NUP98: variants seen among roughly 807,000 people sequenced by gnomAD.
NUP98 encodes nucleoporin 98 and 96 precursor.
NUP98 carries 26 observed loss-of-function variants against 191.9 expected under a neutral mutation model. That is an observed-to-expected ratio of 0.14 (90% CI 0.10 to 0.19). The LOEUF (loss-of-function observed/expected upper bound fraction) is 0.19. NUP98 is among the 10% of genes least tolerant of loss of function. The pLI, the probability that NUP98 is intolerant of heterozygous loss-of-function variation, is 1.00. For synonymous variants in NUP98, 808 were observed against 778.4 expected (o/e 1.04, Z -0.63); for missense variants, 1,941 against 2,178.8 (o/e 0.89, Z 2.17).
chr11:3,750,619 A>C lies in NUP98; in HGVS notation c.1267+2697T>G, dbSNP rs545196921. On this transcript the variant is annotated intron_variant, in intron 11 of 32. Coordinates refer to ENST00000324932, the MANE Select transcript of NUP98 (RefSeq NM_016320.5). The stretch of plus-strand genomic sequence containing the variant: ...AAAAGGATACTAACCTTAACATTTT[A>C]AATGTTTTTTTTTTGTTTTTTGTTT... Among the ~76,000 whole-genome samples, 173 of 151,448 alleles carry C rather than the reference A, an allele frequency of 1.1e-3. 1 individual carries two copies. Among genetic ancestry groups the C allele is most frequent in the African/African-American group, 3.8e-3 (156 of 41,270 alleles).
In NUP98 at chr11:3,676,188, G is replaced by T; in HGVS notation, c.5374C>A (p.Leu1792Met). The T allele has an allele frequency of 6.2e-7, 1 of 1,614,164 alleles. No individual in the cohort carries two copies. The highest frequency in any genetic ancestry group is 8.5e-7 in the Non-Finnish European group (1 of 1,180,038). Residue 1792 changes from leucine (L) to methionine (M), a missense_variant, in exon 33 of 33, where the codon CTG (leucine) becomes ATG (methionine). Around this residue, in one of 6 missense-constraint regions of NUP98, gnomAD observed 1,030 missense variants for 1,115.8 expected, o/e 0.92. Transcript: ENST00000324932. ...AGGCTCCCAACAGCCAGTTCTCGCA[G>T]ATAGGACTGGGTAAGGCTGCGCAGT... ...DELRSLTQSY[L>M]RELAVGSL
chr11:3,769,335 T>C (rs1477524276), intron 7 of NUP98, among the ~76,000 whole-genome samples: 2 of 151,766 alleles, frequency 1.3e-5, no homozygotes, highest in African/African-American at 4.8e-5. Flanking sequence ...CCGAGGTGGG[T>C]ATATGGCTTG....
intron 28 of NUP98, among the ~76,000 whole-genome samples, chr11:3,688,121 T>G (rs11029035): frequency 1.3e-5 from 2 of 151,522 alleles, no homozygotes; most frequent in Admixed American, 6.6e-5. Flanking sequence ...AACAGTAAAT[T>G]TGGCCGGGCA....
chr11:3,743,372 C>T (rs968699225), intron 12 of NUP98, among the ~76,000 whole-genome samples: 8 of 148,556 alleles, frequency 5.4e-5, no homozygotes, highest in Middle Eastern at 3.4e-3. Flanking sequence ...TTCGGCCTGG[C>T]GTGGTGGCTC....
intron 23 of NUP98, among the ~76,000 whole-genome samples, chr11:3,701,537 C>T (rs1476478226): frequency 4.0e-5 from 6 of 151,622 alleles, no homozygotes; most frequent in Admixed American, 1.3e-4. Context: ...GTGTGAGCCA[C>T]CGTACCCGGC....
intron 11 of NUP98, among the ~76,000 whole-genome samples, chr11:3,752,459 G>A (rs1443439913): frequency 6.6e-6 from 1 of 151,938 alleles, no homozygotes; most frequent in Non-Finnish European, 1.5e-5. Flanking sequence ...AGAGATTGCA[G>A]TGAGCTGAGA....
chr11:3,720,303 T>C (rs891633091), intron 17 of NUP98, among the ~76,000 whole-genome samples: 1 of 152,310 alleles, frequency 6.6e-6, no homozygotes, highest in Admixed American at 6.5e-5. Context: ...TATTCAATTT[T>C]CTCAGAAGTT....
intron 18 of NUP98, among the ~76,000 whole-genome samples, chr11:3,717,245 G>C (rs556525135): frequency 4.6e-5 from 7 of 152,066 alleles, no homozygotes. Context: ...TGATCTGCCC[G>C]CCTAGGCCTC....
chr11:3,736,962 A>T (rs1020345718), intron 12 of NUP98, among the ~76,000 whole-genome samples: 1 of 152,212 alleles, frequency 6.6e-6, no homozygotes, highest in African/African-American at 2.4e-5. Flanking sequence ...GTGTAAGAAC[A>T]TCTGTTATCA....
chr11:3,759,391 G>C (rs563184146), intron 10 of NUP98, among the ~76,000 whole-genome samples: 2 of 152,156 alleles, frequency 1.3e-5, no homozygotes, highest in Non-Finnish European at 2.9e-5. Context: ...GAGCTCAGGA[G>C]TTCAAGACGA....
chr11:3,791,919 C>A (rs1398675402), intron 1 of NUP98, among the ~76,000 whole-genome samples: 2 of 151,516 alleles, frequency 1.3e-5, no homozygotes, highest in African/African-American at 4.9e-5. Context: ...GCGGCTCATG[C>A]CTGTAATCCC....
At chr11:3,746,891 CAAG>C (rs1200574712) in intron 11 of NUP98, among the ~76,000 whole-genome samples, 1 of 127,784 alleles carries the variant, frequency 7.8e-6, no homozygotes, top group Non-Finnish European at 1.6e-5. Context: ...CCAGCCTGGG[CAAG>C]AAGAGCAAAA....
Position 3,768,628 on chromosome 11 carries a change from A to G in NUP98, c.901T>C (p.Ser301Pro). ...CCTATGGTGCTGGTATTACCAAAGGAAAAGCCAGTGTTCTGGGTGGTTGTA... is the reference window on the plus strand; with the variant it reads ...CCTATGGTGCTGGTATTACCAAAGGGAAAGCCAGTGTTCTGGGTGGTTGTA... Reference protein sequence around the residue: ...QATTTQNTGFSFGNTSTIGQP... With the variant: ...QATTTQNTGFPFGNTSTIGQP... Residue 301 changes from serine to proline, a missense_variant, in exon 8 of 33, where the codon TCC (serine) becomes CCC (proline). Physicochemically the swap from Ser to Pro is moderately conservative, Grantham distance 74. Around this residue, in one of 6 missense-constraint regions of NUP98, gnomAD observed 181 missense variants for 228.0 expected, o/e 0.79. Coordinates refer to ENST00000324932, the MANE Select transcript of NUP98 (RefSeq NM_016320.5). The G allele has an allele frequency of 6.2e-7, 1 of 1,610,598 alleles. No homozygotes were observed. The highest frequency in any genetic ancestry group is 8.5e-7 in the Non-Finnish European group (1 of 1,178,212).
intron 1 of NUP98, among the ~76,000 whole-genome samples, chr11:3,791,033 T>C (rs374907049): frequency 2.3e-4 from 35 of 151,904 alleles, no homozygotes; most frequent in South Asian, 4.2e-4. Flanking sequence ...GTAACTGGGA[T>C]TACAGGCGCC....
In NUP98 at chr11:3,693,084, T is replaced by C. The variant is rs970077684; in HGVS notation, c.4311+148A>G. 37 of 740,646 alleles carry C rather than the reference T, an allele frequency of 5.0e-5. No individual in the cohort carries two copies. In the Admixed American group the frequency reaches 8.9e-4, roughly 18 times the overall value. The allele number at this position is 740,646 out of a possible 1,614,324, so 45.9% of individuals were successfully genotyped here. A position where few individuals can be genotyped will look rare whatever the true frequency, so the allele number is the denominator to read the frequency against. ...AACTGTGGAATCTCATGATATTTAA[T>C]AAAATAAAAACAGACACTTGGGGAA... On this transcript the variant is annotated intron_variant, in intron 27 of 32. Coordinates refer to ENST00000324932, the MANE Select transcript of NUP98 (RefSeq NM_016320.5).
chr11:3,693,205 T>C (rs749063524), intron 27 of NUP98, 27 bp downstream of exon 27: 6 of 1,611,282 alleles, frequency 3.7e-6, no homozygotes, highest in East Asian at 2.2e-5. Flanking sequence ...AGCAAGATTT[T>C]TGCTTGGCTC....
In NUP98 at chr11:3,783,890, A is replaced by T. The variant is rs191142295; in HGVS notation, c.-28-1745T>A. The stretch of plus-strand genomic sequence containing the variant: ...ACACCCAAGAATGATCAATTAAAAA[A>T]AAATAAATAAAATAAAAATAAAAAA... On this transcript the variant is annotated intron_variant, in intron 1 of 32. Coordinates refer to ENST00000324932, the MANE Select transcript of NUP98 (RefSeq NM_016320.5). Among the ~76,000 whole-genome samples, 123 of 152,260 alleles carry T rather than the reference A, an allele frequency of 8.1e-4. 1 individual carries two copies. The highest frequency in any genetic ancestry group is 6.8e-3 in the Middle Eastern group (2 of 294).
Position 3,712,827 on chromosome 11 carries a change from A to C in NUP98, c.2578-99T>G, listed in dbSNP as rs1437439905. On this transcript the variant is annotated intron_variant, in intron 19 of 32. Coordinates refer to ENST00000324932, the MANE Select transcript of NUP98 (RefSeq NM_016320.5). ...GCATTACCTTAAGAAAAAAGAAAGAAAAGGGGAGAAATATCTAAGTATTTA... is the reference window on the plus strand; with the variant it reads ...GCATTACCTTAAGAAAAAAGAAAGACAAGGGGAGAAATATCTAAGTATTTA... The C allele has an allele frequency of 7.2e-6, 9 of 1,250,044 alleles. No homozygotes were observed. In the African/African-American group the frequency reaches 7.6e-5, roughly 11 times the overall value. The allele number at this position is 1,250,044 out of a possible 1,614,324, so 77.4% of individuals were successfully genotyped here. A position where few individuals can be genotyped will look rare whatever the true frequency, so the allele number is the denominator to read the frequency against.
At chr11:3,697,812 C>T (rs1257715740) in intron 25 of NUP98, among the ~76,000 whole-genome samples, 2 of 103,368 alleles carry the variant, frequency 1.9e-5, no homozygotes, top group African/African-American at 3.9e-5. Context: ...CACAGACAGA[C>T]TCTGTCTTAA....
Sources: gnomAD v4.1 joint callset for allele counts (sites outside exome capture counted in the v4.1 genomes callset) on GRCh38, gnomAD v4.1.1 for gene constraint, gnomAD v4.1.1 regional missense constraint, MANE v1.5 for transcripts, NCBI Gene and HGNC (gene_info 2026-07-23, HGNC 2026-07-21) for gene names.